FHAD1: variants seen among roughly 807,000 people sequenced by gnomAD.
FHAD1 encodes forkhead associated phosphopeptide binding domain 1, also known as forkhead-associated domain-containing protein 1.
In FHAD1, 146 loss-of-function variants were observed where a neutral mutation model predicts 191.3. That is an observed-to-expected ratio of 0.76 (90% CI 0.67 to 0.88). The LOEUF (loss-of-function observed/expected upper bound fraction) is 0.88. Ranked by LOEUF, FHAD1 falls within the 40% of genes least tolerant of loss-of-function variation. The probability of loss-of-function intolerance (pLI) is 0.00; values close to 1 mark genes in which losing one functional copy is unlikely to be tolerated. For synonymous variants in FHAD1, 616 were observed against 672.3 expected, an observed-to-expected ratio of 0.92 and a Z score of 1.29; for missense variants, 1,635 against 1,785.8, an observed-to-expected ratio of 0.92 and a Z score of 1.52.
chr1:15,375,780 G>A (rs1392985935), intron 28 of FHAD1, 50 bp downstream of exon 28: 2 of 1,487,964 alleles, frequency 1.3e-6, no homozygotes, highest in African/African-American at 2.8e-5. Context: ...GAGAGGAGGG[G>A]CCTGAGGGCA....
Position 15,347,190 on chromosome 1 carries a change from G to A in FHAD1, c.2346+1667G>A, listed in dbSNP as rs141718782. On this transcript the variant is annotated intron_variant, in intron 18 of 33. Coordinates refer to ENST00000688493, the MANE Select transcript of FHAD1 (RefSeq NM_001391957.1). Reference sequence around the variant, plus strand: ...TTTGCCCCCAAGTGATTTCTCCAGGGGTGGGGATGAGGAGGAGGGTCTCCA... The same window carrying A: ...TTTGCCCCCAAGTGATTTCTCCAGGAGTGGGGATGAGGAGGAGGGTCTCCA... 1.2e-3 allele frequency among the ~76,000 whole-genome samples: 185 copies of A among 152,314 alleles called. 2 individuals are homozygous for A. Among genetic ancestry groups the A allele is most frequent in the African/African-American group, 4.2e-3 (173 of 41,556 alleles).
chr1:15,365,773 G>A, intron 23 of FHAD1, 54 bp from the exon 24 acceptor site: 1 of 1,143,888 alleles, frequency 8.7e-7, no homozygotes, highest in South Asian at 1.3e-5. Context: ...TGACACTCAG[G>A]AGATAACATG....
chr1:15,371,651 C>T (rs1698133210), intron 26 of FHAD1, among the ~76,000 whole-genome samples: 1 of 152,194 alleles, frequency 6.6e-6, no homozygotes, highest in South Asian at 2.1e-4. Context: ...CCCTGCTATA[C>T]ACAGAGAGAC....
chr1:15,366,760 T>C (rs1696613657), intron 24 of FHAD1, among the ~76,000 whole-genome samples: 1 of 152,236 alleles, frequency 6.6e-6, no homozygotes, highest in Non-Finnish European at 1.5e-5. Flanking sequence ...TGTGCTGTTC[T>C]GGACAGACAC....
rs1350728144 is a variant in FHAD1, at chr1:15,327,449, C to T, written c.1557+307C>T. The T allele has an allele frequency of 7.1e-6, 2 of 282,278 alleles. No homozygotes were observed. Among genetic ancestry groups the T allele is most frequent in the Non-Finnish European group, 1.3e-5 (2 of 150,662 alleles). 17.5% of individuals were successfully genotyped at this position (282,278 alleles called of 1,614,324 possible). A position where few individuals can be genotyped will look rare whatever the true frequency, so the allele number is the denominator to read the frequency against. On this transcript the variant is annotated intron_variant, in intron 12 of 33. Coordinates refer to ENST00000688493, the MANE Select transcript of FHAD1 (RefSeq NM_001391957.1). This position sits in a 1 kb window ranked among gnomAD's most constrained non-coding sequence, Gnocchi z 5.1. ...TGGGAGAAAGGGAGCCGCCTCCCCA[C>T]AGCCAGTGCGTTCTGGCGCGTTCCT...
intron 14 of FHAD1, among the ~76,000 whole-genome samples, chr1:15,332,977 G>A (rs1331366728): frequency 6.6e-6 from 1 of 152,022 alleles, no homozygotes; most frequent in Non-Finnish European, 1.5e-5. Context: ...CCCTTGCCCC[G>A]CCCCCAACTA....
chr1:15,253,659 T>C (rs1647059682), intron 2 of FHAD1, among the ~76,000 whole-genome samples: 1 of 152,266 alleles, frequency 6.6e-6, no homozygotes, highest in Non-Finnish European at 1.5e-5. Context: ...GATTTTAGTA[T>C]GCTTATATGG....
At chr1:15,298,011 G>A (rs1038599126) in intron 5 of FHAD1, among the ~76,000 whole-genome samples, 12 of 152,014 alleles carry the variant, frequency 7.9e-5, no homozygotes, top group Admixed American at 1.3e-4. Flanking sequence ...CATTTGATCC[G>A]GCAATCCCAC....
chr1:15,333,786 A>G (rs1390608702), intron 14 of FHAD1, among the ~76,000 whole-genome samples: 1 of 142,238 alleles, frequency 7.0e-6, no homozygotes, highest in African/African-American at 2.6e-5. Flanking sequence ...CCACCTACCC[A>G]GTGAGGCAGG....
intron 18 of FHAD1, chr1:15,345,750 ACAGT>A (rs1205878361): frequency 7.0e-6 from 4 of 570,280 alleles, no homozygotes; most frequent in Non-Finnish European, 9.4e-6. Context: ...AGTGTAAAAC[ACAGT>A]CAGAGAGAGA....
At chr1:15,361,406 T>G (rs1414031552) in intron 22 of FHAD1, among the ~76,000 whole-genome samples, 1 of 152,092 alleles carries the variant, frequency 6.6e-6, no homozygotes, top group Non-Finnish European at 1.5e-5. Flanking sequence ...CTCCAGACAT[T>G]GCCCAATGTC....
chr1:15,282,553 G>A (rs751921823), intron 3 of FHAD1, among the ~76,000 whole-genome samples: 7 of 152,206 alleles, frequency 4.6e-5, no homozygotes, highest in Non-Finnish European at 2.9e-5. Flanking sequence ...AAAGTGAAAT[G>A]AGAAAGATTT....
intron 10 of FHAD1, 70 bp from the exon 11 acceptor site, chr1:15,324,382 C>A: frequency 8.1e-7 from 1 of 1,241,534 alleles, no homozygotes; most frequent in Non-Finnish European, 1.2e-6. Context: ...ATTAGACATC[C>A]TAGAGGAATC....
At chr1:15,342,249 G>C (rs1687010928) in intron 16 of FHAD1, among the ~76,000 whole-genome samples, 1 of 152,158 alleles carries the variant, frequency 6.6e-6, no homozygotes, top group South Asian at 2.1e-4. Context: ...ACAAATTTCA[G>C]TCTTTTGCTT....
chr1:15,272,221 T>G lies in FHAD1; in HGVS notation c.94-102T>G, dbSNP rs1656353805. 1.8e-5 allele frequency: 19 copies of G among 1,031,134 alleles called. No homozygotes were observed. In the South Asian group the frequency reaches 2.9e-4, roughly 16 times the overall value. 63.9% of individuals were successfully genotyped at this position (1,031,134 alleles called of 1,614,324 possible). A position where few individuals can be genotyped will look rare whatever the true frequency, so the allele number is the denominator to read the frequency against. On this transcript the variant is annotated intron_variant, in intron 2 of 33. Coordinates refer to ENST00000688493, the MANE Select transcript of FHAD1 (RefSeq NM_001391957.1). ...CCTTTTAAAATGAGGATTGTCGTGA[T>G]GATCTGGCGGCGGCAAAACAGGTAA...
chr1:15,253,937 A>G (rs1178502667), intron 2 of FHAD1, among the ~76,000 whole-genome samples: 2 of 152,246 alleles, frequency 1.3e-5, no homozygotes, highest in East Asian at 3.9e-4. Context: ...TATTAACTGT[A>G]GGGTTTTTTT....
In FHAD1 at chr1:15,257,399, G is replaced by A. The variant is rs181013370; in HGVS notation, c.93+5522G>A. On this transcript the variant is annotated intron_variant, in intron 2 of 33. Coordinates refer to ENST00000688493, the MANE Select transcript of FHAD1 (RefSeq NM_001391957.1). ...AACCCCTCAAGTTTTGAGAGAGAAG[G>A]TGACAGGTGGACATGAACCTGGATA... 3.9e-5 allele frequency among the ~76,000 whole-genome samples: 6 copies of A among 152,334 alleles called. No individual in the cohort carries two copies. In the East Asian group the frequency reaches 1.2e-3, roughly 29 times the overall value.
chr1:15,379,988 C>T (rs903497439), intron 28 of FHAD1, among the ~76,000 whole-genome samples: 4 of 152,208 alleles, frequency 2.6e-5, no homozygotes, highest in Non-Finnish European at 1.5e-5. Context: ...TGAAGTGATG[C>T]TCACCCACCA....
intron 20 of FHAD1, among the ~76,000 whole-genome samples, chr1:15,353,712 AAAAAAAAAAAAAAAG>A (rs1691688053): frequency 6.7e-6 from 1 of 148,346 alleles, no homozygotes; most frequent in Non-Finnish European, 1.5e-5. Context: ...CTCAAAAAAA[AAAAAAAAAAAAAAAG>A]AAAAGAAAAA....
Sources: allele counts gnomAD v4.1 joint callset (sites outside exome capture counted in the v4.1 genomes callset), GRCh38; gene constraint gnomAD v4.1.1; non-coding constraint Gnocchi (gnomAD v3.1); transcripts MANE v1.5; gene names NCBI Gene and HGNC (gene_info 2026-07-23, HGNC 2026-07-21).